Variants in CTIF observed in about 807,000 individuals in gnomAD.
CTIF encodes cap binding complex dependent translation initiation factor, also known as CBP80/20-dependent translation initiation factor.
CTIF carries 21 observed loss-of-function variants against 66.0 expected under a neutral mutation model. The ratio of observed to expected loss-of-function variants is 0.32; its 90% CI spans 0.23 to 0.46. The LOEUF (loss-of-function observed/expected upper bound fraction) is 0.46, where lower values mean the gene tolerates loss of function less well. Among genes scored for constraint, CTIF ranks in the 20% least tolerant of loss-of-function variants. The probability of loss-of-function intolerance (pLI) is 1.00; values close to 1 mark genes in which losing one functional copy is unlikely to be tolerated. For missense variants in CTIF, 739 were observed against 812.7 expected (o/e 0.91, Z 1.10); for synonymous variants, 345 against 326.4 (o/e 1.06, Z -0.62).
chr18:48,738,043 G>T (rs1390860048), intron 7 of CTIF, among the ~76,000 whole-genome samples: 4 of 152,108 alleles, frequency 2.6e-5, no homozygotes, highest in African/African-American at 4.8e-5. Context: ...GCTTCCATCT[G>T]CCCCAAGCCT....
Position 48,677,552 on chromosome 18 carries a change from C to T in CTIF, c.507+6808C>T, listed in dbSNP as rs2091651601. On this transcript the variant is annotated intron_variant, in intron 6 of 11. Coordinates refer to ENST00000256413, the MANE Select transcript of CTIF (RefSeq NM_014772.3). Reference sequence around the variant, plus strand: ...AAGGTCCTTGCTTTTTCTAATCTTACCCTCACGTTGTCCCATGGAGCACGT... The same window carrying T: ...AAGGTCCTTGCTTTTTCTAATCTTATCCTCACGTTGTCCCATGGAGCACGT... 2.0e-5 allele frequency among the ~76,000 whole-genome samples: 3 copies of T among 152,178 alleles called. No homozygotes were observed. In the East Asian group the frequency reaches 5.8e-4, roughly 29 times the overall value.
chr18:48,609,401 G>A (rs1283085664), intron 1 of CTIF, among the ~76,000 whole-genome samples: 1 of 152,208 alleles, frequency 6.6e-6, no homozygotes, highest in Non-Finnish European at 1.5e-5. Flanking sequence ...ACAGAGTGAG[G>A]TATAGCAGTT....
chr18:48,732,682 C>T (rs1418965839), intron 7 of CTIF, among the ~76,000 whole-genome samples: 1 of 152,222 alleles, frequency 6.6e-6, no homozygotes, highest in Non-Finnish European at 1.5e-5. Context: ...TCTTGTTACC[C>T]TCTTCAAGTT....
At chr18:48,677,162 C>T (rs988228729) in intron 6 of CTIF, among the ~76,000 whole-genome samples, 2 of 152,236 alleles carry the variant, frequency 1.3e-5, no homozygotes, top group East Asian at 1.9e-4. Flanking sequence ...AACTCACAGG[C>T]GTGAGGATTA....
intron 6 of CTIF, among the ~76,000 whole-genome samples, chr18:48,690,535 C>G (rs984742919): frequency 2.6e-5 from 4 of 152,200 alleles, no homozygotes; most frequent in Admixed American, 2.6e-4. Flanking sequence ...TAACAGCACA[C>G]TGGACTAGCT....
intron 1 of CTIF, among the ~76,000 whole-genome samples, chr18:48,610,803 A>G (rs1184951742): frequency 6.6e-6 from 1 of 152,212 alleles, no homozygotes; most frequent in Non-Finnish European, 1.5e-5. Context: ...CTCTGTTTCC[A>G]TGAAGTTCTG....
chr18:48,782,582 G>A (rs894200578), intron 9 of CTIF, among the ~76,000 whole-genome samples: 20 of 152,148 alleles, frequency 1.3e-4, no homozygotes, highest in Non-Finnish European at 2.9e-5. Flanking sequence ...CACCCACAAG[G>A]CCTTCTCAGC....
intron 1 of CTIF, among the ~76,000 whole-genome samples, chr18:48,575,721 T>C (rs2089516243): frequency 6.6e-6 from 1 of 152,242 alleles, no homozygotes; most frequent in Non-Finnish European, 1.5e-5. Flanking sequence ...AAAGCCTCCC[T>C]GCCCCGGATG....
At chr18:48,757,430 C>T (rs1296622088) in intron 7 of CTIF, among the ~76,000 whole-genome samples, 3 of 151,736 alleles carry the variant, frequency 2.0e-5, no homozygotes, top group Non-Finnish European at 4.4e-5. Flanking sequence ...TATAACTTTT[C>T]AAAAAACATT....
chr18:48,742,867 T>C (rs951420720), intron 7 of CTIF, among the ~76,000 whole-genome samples: 2 of 152,166 alleles, frequency 1.3e-5, no homozygotes, highest in Non-Finnish European at 2.9e-5. Flanking sequence ...CCTATGGTCA[T>C]GGGGTGAGCA....
chr18:48,798,407 G>C (rs894943229), intron 9 of CTIF, among the ~76,000 whole-genome samples: 1 of 152,164 alleles, frequency 6.6e-6, no homozygotes, highest in Non-Finnish European at 1.5e-5. Flanking sequence ...ATAAGGGCTC[G>C]TGCTTTTTTG....
At chr18:48,586,422 C>T (rs2089770445) in intron 1 of CTIF, among the ~76,000 whole-genome samples, 1 of 152,110 alleles carries the variant, frequency 6.6e-6, no homozygotes, top group African/African-American at 2.4e-5. Context: ...AGGCGTATGC[C>T]ACCATGCCCG....
At chr18:48,647,482 T>C (rs188371440) in intron 3 of CTIF, among the ~76,000 whole-genome samples, 2 of 152,358 alleles carry the variant, frequency 1.3e-5, no homozygotes, top group Admixed American at 1.3e-4. Flanking sequence ...CATTGTGGCA[T>C]TGAACTATAC....
chr18:48,634,032 G>T (rs2090769542), intron 2 of CTIF, among the ~76,000 whole-genome samples: 1 of 152,120 alleles, frequency 6.6e-6, no homozygotes, highest in Non-Finnish European at 1.5e-5. Flanking sequence ...ATCCAAATTT[G>T]CATGTAATTG....
intron 10 of CTIF, among the ~76,000 whole-genome samples, chr18:48,838,090 C>T (rs1029845315): frequency 6.6e-6 from 1 of 152,120 alleles, no homozygotes; most frequent in African/African-American, 2.4e-5. Context: ...CTACTTTCCC[C>T]CAAACTTGCT....
chr18:48,571,641 AT>A (rs936489608), intron 1 of CTIF, among the ~76,000 whole-genome samples: 1 of 151,690 alleles, frequency 6.6e-6, no homozygotes, highest in Non-Finnish European at 1.5e-5. Context: ...GATCCTCCTT[AT>A]TTTTTTCCTG....
intron 1 of CTIF, among the ~76,000 whole-genome samples, chr18:48,586,845 C>T (rs933452364): frequency 2.0e-5 from 3 of 152,076 alleles, no homozygotes; most frequent in African/African-American, 7.2e-5. Context: ...CACTCCAAAG[C>T]GGTATCAGGC....
At chr18:48,802,551 G>T (rs935680696) in intron 9 of CTIF, among the ~76,000 whole-genome samples, 20 of 152,236 alleles carry the variant, frequency 1.3e-4, no homozygotes, top group Non-Finnish European at 5.9e-5. Context: ...ACCTCAGAAG[G>T]TAGGCAGATC....
chr18:48,732,615 C>T (rs1188518826), intron 7 of CTIF, among the ~76,000 whole-genome samples: 1 of 152,214 alleles, frequency 6.6e-6, no homozygotes, highest in African/African-American at 2.4e-5. Context: ...GAAGAGGTCT[C>T]TTTCTTTCTT....
Sources: gnomAD v4.1 joint callset for allele counts (sites outside exome capture counted in the v4.1 genomes callset) on GRCh38, gnomAD v4.1.1 for gene constraint, MANE v1.5 for transcripts, NCBI Gene and HGNC (gene_info 2026-07-23, HGNC 2026-07-21) for gene names.